OR4Q3: variants seen among roughly 807,000 people sequenced by gnomAD.
OR4Q3 encodes the protein olfactory receptor 4Q3.
OR4Q3 carries 17 observed loss-of-function variants against 18.8 expected under a neutral mutation model. The ratio of observed to expected loss-of-function variants is 0.91; its 90% CI spans 0.62 to 1.36. OR4Q3 has a LOEUF of 1.36. Ranked by LOEUF, OR4Q3 falls within the 40% of genes most tolerant of loss-of-function variation. The pLI is 0.00. For synonymous variants in OR4Q3, 158 were observed against 145.8 expected (o/e 1.08, Z -0.60); for missense variants, 378 against 373.4 (o/e 1.01, Z -0.10).
intron 1 of OR4Q3, among the ~76,000 whole-genome samples, chr14:19,747,015 G>C: frequency 1.3e-5 from 2 of 152,176 alleles, no homozygotes; most frequent in Non-Finnish European, 2.9e-5. Flanking sequence ...AATTCAGAGA[G>C]GTTTATTTTC....
At chr14:19,751,476 G>A, downstream of OR4Q3, among the ~76,000 whole-genome samples, 1 of 151,788 alleles carries the variant, frequency 6.6e-6, no homozygotes, top group Non-Finnish European at 1.5e-5. Context: ...TTCTTTATAT[G>A]TCTGGTAGAA....
chr14:19,750,465 T>C, downstream of OR4Q3, among the ~76,000 whole-genome samples: 1 of 152,254 alleles, frequency 6.6e-6, no homozygotes, highest in African/African-American at 2.4e-5. Context: ...GACAAACTTT[T>C]ACAATGTTTT....
downstream of OR4Q3, among the ~76,000 whole-genome samples, chr14:19,750,283 C>T: frequency 1.7e-4 from 26 of 152,200 alleles, no homozygotes; most frequent in African/African-American, 6.3e-4. Flanking sequence ...CGACACCCGG[C>T]CAGATTACTT....
rs117835285 is a variant in OR4Q3 at position 19,743,614 on chromosome 14, G to C, written c.-56G>C. 6.6e-6 allele frequency: 1 copy of C among 152,530 alleles called. No homozygotes were observed. Among genetic ancestry groups the C allele is most frequent in the Non-Finnish European group, 1.5e-5 (1 of 68,184 alleles). 9.4% of individuals were successfully genotyped at this position (152,530 alleles called of 1,614,324 possible). On this transcript the variant is annotated 5_prime_UTR_variant, in exon 1 of 2. The change abolishes an upstream ATG in the 5' untranslated region. Transcript: ENST00000642117. ...AGGCTGAAGAGAGGGTTGATAGGAT[G>C]AATGGCAGGATAAAATCTTCCTTCC...
intron 1 of OR4Q3, among the ~76,000 whole-genome samples, chr14:19,745,404 G>T: frequency 1.3e-5 from 2 of 151,870 alleles, no homozygotes; most frequent in African/African-American, 4.8e-5. Context: ...CATATGTTCG[G>T]TGGAAAAAAC....
chr14:19,747,401 T>C lies in OR4Q3; in HGVS notation c.3-5T>C. 21 of 1,466,502 alleles carry C rather than the reference T, an allele frequency of 1.4e-5. No individual in the cohort carries two copies. The highest frequency in any genetic ancestry group is 8.4e-5 in the African/African-American group (6 of 71,096). 90.8% of individuals were successfully genotyped at this position (1,466,502 alleles called of 1,614,324 possible). ...CTCCCTTGTTCTGATTTAATTCTTC[T>C]TTAGGTCACTTGATATTCTTGGCTT... On this transcript the variant is annotated splice_region_variant and splice_polypyrimidine_tract_variant and intron_variant, in intron 1 of 1. Transcript: ENST00000642117.
At chr14:19,747,181 T>C in intron 1 of OR4Q3, among the ~76,000 whole-genome samples, 2 of 152,226 alleles carry the variant, frequency 1.3e-5, no homozygotes, top group African/African-American at 4.8e-5. Flanking sequence ...TGTGTTTCTT[T>C]CTTGTTTATT....
At chr14:19,743,721 C>T (rs1877359334) in intron 1 of OR4Q3, 50 bp downstream of exon 1, 1 of 152,280 alleles carries the variant, frequency 6.6e-6, no homozygotes, top group South Asian at 2.1e-4. Context: ...CTTCCTGCTC[C>T]TCTGTTTGAT....
At chr14:19,744,003 T>C (rs1426176692) in intron 1 of OR4Q3, among the ~76,000 whole-genome samples, 2 of 152,194 alleles carry the variant, frequency 1.3e-5, no homozygotes, top group Non-Finnish European at 2.9e-5. Context: ...CTAATTCTGC[T>C]ATAGTCCCTT....
chr14:19,748,514 C>G, exon 2 of OR4Q3: 1 of 679,640 alleles, frequency 1.5e-6, no homozygotes, highest in Non-Finnish European at 2.4e-6. Context: ...CTCTTGATTA[C>G]AATTTAAAAG....
downstream of OR4Q3, among the ~76,000 whole-genome samples, chr14:19,751,487 T>C: frequency 6.6e-6 from 1 of 152,140 alleles, no homozygotes; most frequent in African/African-American, 2.4e-5. Flanking sequence ...TCTGGTAGAA[T>C]TCAACTGTGA....
At chr14:19,750,268 A>G, downstream of OR4Q3, among the ~76,000 whole-genome samples, 1 of 152,182 alleles carries the variant, frequency 6.6e-6, no homozygotes, top group Non-Finnish European at 1.5e-5. Context: ...TACAGGCATG[A>G]GCCACGACAC....
exon 2 of OR4Q3, chr14:19,748,550 C>A: frequency 1.7e-6 from 1 of 574,624 alleles, no homozygotes; most frequent in East Asian, 2.9e-5. Flanking sequence ...AGAAAGCCAC[C>A]TATGCCTTTT....
chr14:19,745,721 C>T, intron 1 of OR4Q3, among the ~76,000 whole-genome samples: 1 of 152,168 alleles, frequency 6.6e-6, no homozygotes, highest in African/African-American at 2.4e-5. Flanking sequence ...TGGAAATTTA[C>T]AATCCTTGGT....
In OR4Q3 at chr14:19,747,581, C is replaced by T; in HGVS notation, c.178C>T (p.His60Tyr). 1.9e-6 allele frequency: 3 copies of T among 1,613,778 alleles called. No homozygotes were observed. In the African/African-American group the frequency reaches 4.0e-5, roughly 22 times the overall value. ...CTTGATAGTGGTAACAGTGCAAGCC[C>T]ATGCTCACCTGCTCCAATCTCCTAT... The change falls in exon 2 of 2, where the codon CAT becomes TAT. Residue 60 changes from histidine (H) to tyrosine (Y), a missense_variant. Coordinates refer to ENST00000642117, the Ensembl canonical transcript of OR4Q3.
Position 19,747,977 on chromosome 14 carries a change from C to T in OR4Q3, c.574C>T (p.Gln192Ter). The T allele has an allele frequency of 6.2e-7, 1 of 1,614,058 alleles. No individual in the cohort carries two copies. The highest frequency in any genetic ancestry group is 2.2e-5 in the East Asian group (1 of 44,842). ...GGACAACTTCTACTGTGATGTCCCA[C>T]AAGTCATCAAGCTGGCCTGCATGGA... Residue 192 changes from glutamine to a stop codon, truncating the protein, a stop_gained, in exon 2 of 2, where the codon CAA becomes TAA. Transcript: ENST00000642117. LOFTEE classifies it high-confidence loss of function.
At chr14:19,749,588 A>G, downstream of OR4Q3, 6 of 141,430 alleles carry the variant, frequency 4.2e-5, no homozygotes, top group African/African-American at 1.6e-4. Context: ...AACAAAAGCA[A>G]AACTCGGTCT....
chr14:19,744,786 T>C, intron 1 of OR4Q3, among the ~76,000 whole-genome samples: 4 of 152,184 alleles, frequency 2.6e-5, no homozygotes, highest in Non-Finnish European at 4.4e-5. Flanking sequence ...CTGCAGGGCT[T>C]TGGCAAGGGA....
At chr14:19,745,146 T>G in intron 1 of OR4Q3, among the ~76,000 whole-genome samples, 1 of 152,184 alleles carries the variant, frequency 6.6e-6, no homozygotes, top group Admixed American at 6.6e-5. Flanking sequence ...TTGTAAAGAT[T>G]TTTATATCAT....
Sources: allele counts gnomAD v4.1 joint callset (sites outside exome capture counted in the v4.1 genomes callset), GRCh38; gene constraint gnomAD v4.1.1; transcripts MANE v1.5; gene names NCBI Gene and HGNC (gene_info 2026-07-23, HGNC 2026-07-21).